The following FGF14 variants were observed in gnomAD, a reference collection of about 807,000 sequenced individuals.
The protein encoded by FGF14 is fibroblast growth factor homologous factor 4.
A neutral mutation model predicts 25.5 loss-of-function variants in FGF14; 5 were observed. That is an observed-to-expected ratio of 0.20 (90% CI 0.10 to 0.41). The LOEUF (loss-of-function observed/expected upper bound fraction) is 0.41, where lower values mean the gene tolerates loss of function less well. Ranked by LOEUF, FGF14 falls within the 10% of genes least tolerant of loss-of-function variation. The pLI is 1.00. For missense variants in FGF14, 222 were observed against 320.1 expected, an observed-to-expected ratio of 0.69 and a Z score of 2.34; for synonymous variants, 138 against 118.3, an observed-to-expected ratio of 1.17 and a Z score of -1.08.
intron 1 of FGF14, among the ~76,000 whole-genome samples, chr13:102,335,147 T>A (rs2056755572): frequency 1.3e-5 from 2 of 152,260 alleles, no homozygotes; most frequent in African/African-American, 4.8e-5. Context: ...CACATCTCAG[T>A]TTATATCTCT....
chr13:101,742,668 G>A (rs2139790784), intron 3 of FGF14, among the ~76,000 whole-genome samples: 1 of 152,196 alleles, frequency 6.6e-6, no homozygotes, highest in African/African-American at 2.4e-5. Flanking sequence ...TAAAAGATGT[G>A]AAAGAAAAAT....
intron 3 of FGF14, among the ~76,000 whole-genome samples, chr13:101,729,680 T>C (rs2139707333): frequency 6.6e-6 from 1 of 152,320 alleles, no homozygotes; most frequent in Admixed American, 6.5e-5. Flanking sequence ...ACTCAATAAT[T>C]ATTCTTTAAA....
rs551132933 is a variant in FGF14 at position 102,206,648 on chromosome 13, T to C, written c.208+194823A>G. Among the ~76,000 whole-genome samples the C allele has an allele frequency of 8.5e-5, 13 of 152,228 alleles. No individual in the cohort carries two copies. In the South Asian group the frequency reaches 2.7e-3, roughly 32 times the overall value. Reference sequence around the variant, plus strand: ...GTGAGCCCAGATGGCACCACTGCACTCCAGCCTGGGCAACAGAGTGAGTCC... The same window carrying C: ...GTGAGCCCAGATGGCACCACTGCACCCCAGCCTGGGCAACAGAGTGAGTCC... On this transcript the variant is annotated intron_variant, in intron 1 of 4. Transcript: ENST00000376131.
chr13:102,023,233 T>C (rs544403819), intron 1 of FGF14, among the ~76,000 whole-genome samples: 1 of 152,134 alleles, frequency 6.6e-6, no homozygotes, highest in East Asian at 1.9e-4. Context: ...AGAGCACTTA[T>C]TCAAGGTTAT....
At chr13:101,731,858 C>T (rs1399511594) in intron 3 of FGF14, among the ~76,000 whole-genome samples, 1 of 152,182 alleles carries the variant, frequency 6.6e-6, no homozygotes, top group Non-Finnish European at 1.5e-5. Context: ...TATATATTGT[C>T]TGTGTCTGCA....
chr13:101,824,676 G>C (rs1234074567), intron 3 of FGF14, among the ~76,000 whole-genome samples: 1 of 152,148 alleles, frequency 6.6e-6, no homozygotes, highest in Admixed American at 6.5e-5. Flanking sequence ...TGAGATGACT[G>C]ATGGCTGAAA....
Position 102,400,117 on chromosome 13 carries a change from G to C in FGF14, c.208+1354C>G, listed in dbSNP as rs535316550. On this transcript the variant is annotated intron_variant, in intron 1 of 4. Coordinates refer to the FGF14 transcript ENST00000376131. This position sits in a 1 kb window ranked among gnomAD's most constrained non-coding sequence, Gnocchi z 4.3. The stretch of plus-strand genomic sequence containing the variant: ...CCGCAGGCGGCAGACCCCTCGGAGC[G>C]CGCCACCCCAGCTACGTTGCATTGG... Among the ~76,000 whole-genome samples the C allele has an allele frequency of 1.1e-4, 17 of 150,148 alleles. No homozygotes were observed. The South Asian group carries it at 3.5e-3, about 31-fold the overall frequency.
intron 1 of FGF14, among the ~76,000 whole-genome samples, chr13:101,898,285 G>T (rs2031009673): frequency 6.6e-6 from 1 of 150,684 alleles, no homozygotes; most frequent in African/African-American, 2.4e-5. Flanking sequence ...AAACACTTTT[G>T]GTCCTAAGCA....
intron 3 of FGF14, among the ~76,000 whole-genome samples, chr13:101,812,628 TA>T (rs2041593707): frequency 3.9e-4 from 4 of 10,236 alleles, no homozygotes; most frequent in Non-Finnish European, 8.3e-4. Flanking sequence ...TATATATATA[TA>T]TATATATATA....
chr13:102,248,223 A>G (rs540269573), intron 1 of FGF14, among the ~76,000 whole-genome samples: 1 of 152,300 alleles, frequency 6.6e-6, no homozygotes, highest in East Asian at 1.9e-4. Context: ...AAACCTGCAC[A>G]TGTACCCTTG....
intron 1 of FGF14, among the ~76,000 whole-genome samples, chr13:101,932,020 G>A (rs1288573766): frequency 2.0e-5 from 3 of 152,142 alleles, no homozygotes; most frequent in Non-Finnish European, 4.4e-5. Context: ...CAAATATTAA[G>A]ATATTATATA....
chr13:101,948,793 T>C (rs2035978074), intron 1 of FGF14, among the ~76,000 whole-genome samples: 1 of 152,124 alleles, frequency 6.6e-6, no homozygotes, highest in Non-Finnish European at 1.5e-5. Context: ...TTAAAATAAA[T>C]ACAATCATCA....
chr13:101,942,865 A>G (rs2035542923), intron 1 of FGF14, among the ~76,000 whole-genome samples: 1 of 152,210 alleles, frequency 6.6e-6, no homozygotes, highest in South Asian at 2.1e-4. Context: ...TAACTATATA[A>G]AACAGCTCTT....
chr13:102,057,134 G>A (rs1215527304), intron 1 of FGF14, among the ~76,000 whole-genome samples: 1 of 151,778 alleles, frequency 6.6e-6, no homozygotes, highest in Admixed American at 6.6e-5. Flanking sequence ...AAATTCAAAG[G>A]AGTAATGATA....
At chr13:101,801,942 T>C (rs2040896659) in intron 3 of FGF14, 2 of 464,882 alleles carry the variant, frequency 4.3e-6, no homozygotes, top group South Asian at 1.6e-5. Flanking sequence ...TTTGTGCAGA[T>C]GTGCAGAGAA....
intron 1 of FGF14, among the ~76,000 whole-genome samples, chr13:101,924,977 A>G (rs1189203571): frequency 6.6e-6 from 1 of 152,210 alleles, no homozygotes; most frequent in Admixed American, 6.5e-5. Flanking sequence ...GCTGAAAAAA[A>G]GGTGTGCATG....
At chr13:101,985,741 C>T (rs2038538886) in intron 1 of FGF14, among the ~76,000 whole-genome samples, 1 of 152,062 alleles carries the variant, frequency 6.6e-6, no homozygotes, top group Non-Finnish European at 1.5e-5. Context: ...ACAATAATTG[C>T]TATTCAGTTT....
intron 1 of FGF14, among the ~76,000 whole-genome samples, chr13:102,162,937 C>A (rs1039338877): frequency 6.6e-6 from 1 of 152,024 alleles, no homozygotes; most frequent in Admixed American, 6.6e-5. Context: ...TTAGTAGCAC[C>A]GACACTAAGG....
chr13:101,904,361 G>C (rs2031971443), intron 1 of FGF14, among the ~76,000 whole-genome samples: 1 of 151,830 alleles, frequency 6.6e-6, no homozygotes, highest in South Asian at 2.1e-4. Flanking sequence ...CTTATATTCA[G>C]GTTTTAAGAA....
Sources: gnomAD v4.1 joint callset for allele counts (sites outside exome capture counted in the v4.1 genomes callset) on GRCh38, gnomAD v4.1.1 for gene constraint, Gnocchi (gnomAD v3.1) non-coding constraint, MANE v1.5 for transcripts, NCBI Gene and HGNC (gene_info 2026-07-23, HGNC 2026-07-21) for gene names.